The following ANGPTL1 variants were observed in gnomAD, a reference collection of about 807,000 sequenced individuals.
The protein encoded by ANGPTL1 is angiopoietin like 1, also known as angiopoietin-related protein 1.
A neutral mutation model predicts 46.7 loss-of-function variants in ANGPTL1; 36 were observed. The observed-to-expected ratio is 0.77, with a 90% CI of 0.59 to 1.02. The LOEUF (loss-of-function observed/expected upper bound fraction) is 1.02. ANGPTL1 is among the 50% of genes least tolerant of loss of function. ANGPTL1 has a pLI of 0.00. For missense variants in ANGPTL1, 571 were observed against 594.7 expected (o/e 0.96, Z 0.41); for synonymous variants, 221 against 204.3 (o/e 1.08, Z -0.69).
rs1048053248 is a variant in ANGPTL1 at position 178,865,570 on chromosome 1, C to G, written c.207G>C (p.Lys69Asn). ...CTTTAATGGTACTTGCATCTTGCCC[C>G]TTGGTGTTGACACAGATTGGCCCTG... is the stretch of plus-strand genomic sequence containing the variant. Reference protein sequence around the residue: ...RITGPICVNTKGQDASTIKDM... With the variant: ...RITGPICVNTNGQDASTIKDM... The change falls in exon 3 of 6, where the codon AAG becomes AAC. Residue 69 changes from lysine (K) to asparagine (N), a missense_variant. Transcript: ENST00000234816. 1.9e-6 allele frequency: 3 copies of G among 1,613,950 alleles called. No homozygotes were observed. Among genetic ancestry groups the G allele is most frequent in the East Asian group, 2.2e-5 (1 of 44,886 alleles).
In ANGPTL1 at chr1:178,870,742, T is replaced by A. The variant is rs995103129; in HGVS notation, c.-138A>T. ...TTAAATAAAAGAAATATTAAATACC[T>A]TTTTGTGTCTGTTGATTCAGTGAAT... On this transcript the variant is annotated splice_region_variant and 5_prime_UTR_variant, in exon 1 of 6. In the 5' UTR this introduces an upstream ATG that the reference lacks. Transcript: ENST00000234816. 4 of 152,206 alleles carry A rather than the reference T, an allele frequency of 2.6e-5. No individual in the cohort carries two copies. The highest frequency in any genetic ancestry group is 9.6e-5 in the African/African-American group (4 of 41,474). 9.4% of individuals were successfully genotyped at this position (152,206 alleles called of 1,614,324 possible).
chr1:178,863,155 A>G (rs1405600484), intron 3 of ANGPTL1, among the ~76,000 whole-genome samples: 2 of 152,132 alleles, frequency 1.3e-5, no homozygotes, highest in African/African-American at 4.8e-5. Context: ...TTTGAATCTA[A>G]ACAAGAGTTC....
At chr1:178,859,459 A>G (rs1386296964) in intron 3 of ANGPTL1, among the ~76,000 whole-genome samples, 2 of 135,998 alleles carry the variant, frequency 1.5e-5, no homozygotes, top group Non-Finnish European at 3.0e-5. Flanking sequence ...GCTGGAGTGC[A>G]GTGTCACGAT....
rs1320656771 is a variant in ANGPTL1 at position 178,853,620 on chromosome 1, A to G, written c.991T>C (p.Phe331Leu). ...IQKRTDGSVN[F>L]FRNWENYKKG... ...TTATAATTTTCCCAATTTCTGAAGA[A>G]GTTGACAGAGCCGTCTGTTCTTTTC... Residue 331 changes from phenylalanine (F) to leucine (L), a missense_variant, in exon 4 of 6, where the codon TTC (phenylalanine) becomes CTC (leucine). Coordinates refer to ENST00000234816, the MANE Select transcript of ANGPTL1 (RefSeq NM_004673.4). 6.3e-7 allele frequency: 1 copy of G among 1,599,208 alleles called. No homozygotes were observed. Among genetic ancestry groups the G allele is most frequent in the South Asian group, 1.1e-5 (1 of 88,300 alleles).
Position 178,852,809 on chromosome 1 carries a change from G to C in ANGPTL1, c.1162C>G (p.Leu388Val), listed in dbSNP as rs780893309. Residue 388 changes from leucine (L) to valine (V), a missense_variant, in exon 5 of 6, where the codon CTG becomes GTG. By Grantham distance (32) the Leu-to-Val change is conservative. Transcript: ENST00000234816. Reference sequence around the variant, plus strand: ...CTATAGAATTCACTTTCAGGTTCCAGACGAAAGCTGCTGTATTCTGCATAG... The same window carrying C: ...CTATAGAATTCACTTTCAGGTTCCACACGAAAGCTGCTGTATTCTGCATAG... ...KVYAEYSSFRLEPESEFYRLR... is the reference protein window; with the variant it reads ...KVYAEYSSFRVEPESEFYRLR... The C allele has an allele frequency of 2.0e-5, 32 of 1,613,772 alleles. No homozygotes were observed. The East Asian group carries it at 2.9e-4, about 15-fold the overall frequency.
At chr1:178,869,490 G>A (rs576293677) in intron 1 of ANGPTL1, among the ~76,000 whole-genome samples, 1 of 152,180 alleles carries the variant, frequency 6.6e-6, no homozygotes, top group South Asian at 2.1e-4. Flanking sequence ...TTAAATGCCT[G>A]CCTTAAGACA....
At chr1:178,856,200 G>T (rs374301667) in intron 3 of ANGPTL1, among the ~76,000 whole-genome samples, 2,246 of 39,986 alleles carry the variant, frequency 0.056, 69 homozygotes, top group African/African-American at 0.15. Context: ...CAGAGAGAGA[G>T]AGATATATAT....
intron 3 of ANGPTL1, among the ~76,000 whole-genome samples, chr1:178,862,122 C>G (rs1658060026): frequency 6.6e-6 from 1 of 152,078 alleles, no homozygotes; most frequent in Admixed American, 6.5e-5. Flanking sequence ...ATCCGTCTGC[C>G]TCGGCCTCCG....
intron 3 of ANGPTL1, among the ~76,000 whole-genome samples, chr1:178,864,188 C>A (rs554262640): frequency 1.3e-5 from 2 of 151,880 alleles, no homozygotes; most frequent in African/African-American, 4.8e-5. Flanking sequence ...TTCTGGACAC[C>A]TAGATCAGTG....
chr1:178,857,147 A>G (rs10913634), intron 3 of ANGPTL1, among the ~76,000 whole-genome samples: 71,354 of 152,034 alleles, frequency 0.47, 18,153 homozygotes, highest in African/African-American at 0.66. Flanking sequence ...AAGGAAAAGT[A>G]AATTATGACT....
intron 3 of ANGPTL1, among the ~76,000 whole-genome samples, chr1:178,862,629 A>G (rs78570497): frequency 2.3e-4 from 32 of 140,194 alleles, no homozygotes; most frequent in African/African-American, 6.3e-4. Flanking sequence ...TTATTTATTT[A>G]TTTGGTTGGT....
intron 2 of ANGPTL1, among the ~76,000 whole-genome samples, chr1:178,866,963 T>C (rs1658452682): frequency 6.6e-6 from 1 of 152,138 alleles, no homozygotes; most frequent in South Asian, 2.1e-4. Context: ...ATGTTCACTC[T>C]GTCAGATCTA....
Position 178,869,121 on chromosome 1 carries a change from T to C in ANGPTL1, c.-34A>G, listed in dbSNP as rs1329388130. On this transcript the variant is annotated 5_prime_UTR_variant, in exon 2 of 6. Transcript: ENST00000234816. Reference sequence around the variant, plus strand: ...TAGTTATAGAATACTTACGTTTAAATTTAAGTCTTTACTTAGTTGTTTTTA... The same window carrying C: ...TAGTTATAGAATACTTACGTTTAAACTTAAGTCTTTACTTAGTTGTTTTTA... The C allele has an allele frequency of 6.6e-6, 1 of 152,074 alleles. No homozygotes were observed. The highest frequency in any genetic ancestry group is 1.9e-4 in the East Asian group (1 of 5,196). The allele number at this position is 152,074 out of a possible 1,614,324, so 9.4% of individuals were successfully genotyped here.
intron 4 of ANGPTL1, chr1:178,853,315 C>T: frequency 1.4e-6 from 1 of 707,272 alleles, no homozygotes; most frequent in Non-Finnish European, 1.7e-6. Flanking sequence ...AAGAGCCCAA[C>T]ATTTTTTTCC....
intron 3 of ANGPTL1, among the ~76,000 whole-genome samples, chr1:178,864,666 A>G (rs1204791199): frequency 6.6e-6 from 1 of 152,170 alleles, no homozygotes; most frequent in Admixed American, 6.5e-5. Flanking sequence ...GGAGTGGAGC[A>G]TGTACTTATT....
At chr1:178,865,901 G>T in intron 2 of ANGPTL1, 99 bp from the exon 3 acceptor site, 1 of 684,630 alleles carries the variant, frequency 1.5e-6, no homozygotes, top group Non-Finnish European at 2.4e-6. Context: ...GGGAAAAACT[G>T]AATATTTATT....
At chr1:178,867,189 G>A (rs759257829) in intron 2 of ANGPTL1, among the ~76,000 whole-genome samples, 1 of 152,036 alleles carries the variant, frequency 6.6e-6, no homozygotes, top group African/African-American at 2.4e-5. Context: ...TTTATTGAGT[G>A]CTTGTTCAGT....
intron 5 of ANGPTL1, among the ~76,000 whole-genome samples, chr1:178,852,050 A>G (rs1210270615): frequency 6.6e-6 from 1 of 152,172 alleles, no homozygotes; most frequent in Non-Finnish European, 1.5e-5. Context: ...TGTTATTCCT[A>G]TGCCACATGT....
rs190670995 is a variant in ANGPTL1 at position 178,855,635 on chromosome 1, T to G, written c.824-1848A>C. On this transcript the variant is annotated intron_variant, in intron 3 of 5. Transcript: ENST00000234816. ...AGAGTTGCAATTTGATTTTTTATAG[T>G]TTTTATTTCTCTTTTGAGATGCCCT... 3.1e-3 allele frequency among the ~76,000 whole-genome samples: 465 copies of G among 151,964 alleles called. 4 individuals are homozygous for G. The highest frequency in any genetic ancestry group is 0.01 in the African/African-American group (431 of 41,542).
Sources: gnomAD v4.1 joint callset for allele counts (sites outside exome capture counted in the v4.1 genomes callset) on GRCh38, gnomAD v4.1.1 for gene constraint, MANE v1.5 for transcripts, NCBI Gene and HGNC (gene_info 2026-07-23, HGNC 2026-07-21) for gene names.